Variants in MYBBP1A observed in about 807,000 individuals in gnomAD.
The protein encoded by MYBBP1A is MYB binding protein 1a, also known as myb-binding protein 1A.
Under a neutral mutation model 136.3 loss-of-function variants are expected in MYBBP1A, and 147 were observed. That is an observed-to-expected ratio of 1.08 (90% CI 0.94 to 1.24). MYBBP1A has a LOEUF of 1.24. Among genes scored for constraint, MYBBP1A ranks in the 50% most tolerant of loss-of-function variants. The probability of loss-of-function intolerance (pLI) is 0.00; values close to 1 mark genes in which losing one functional copy is unlikely to be tolerated. For synonymous variants in MYBBP1A, 947 were observed against 735.8 expected, an observed-to-expected ratio of 1.29 and a Z score of -4.65; for missense variants, 2,060 against 1,727.4, an observed-to-expected ratio of 1.19 and a Z score of -3.41.
At position 4,555,169 on chromosome 17, in the gene MYBBP1A, C is replaced by G. The variant is rs756786253; in HGVS notation, c.156G>C (p.Ala52=). 6.2e-7 allele frequency: 1 copy of G among 1,603,260 alleles called. No individual in the cohort carries two copies. The change falls in exon 1 of 26, where the codon GCG becomes GCC. Residue 52 remains alanine, a synonymous_variant. Coordinates refer to ENST00000254718, the MANE Select transcript of MYBBP1A (RefSeq NM_014520.4). ...IAKPEQETRL[A]ATEKLLEYLR... ...GATACTCCAGCAGCTTCTCCGTGGC[C>G]GCAAGTCGCGTCTCCTGCTCAGGCT...
chr17:4,552,852 T>A lies in MYBBP1A; in HGVS notation c.562-226A>T, dbSNP rs1179923898. On this transcript the variant is annotated intron_variant, in intron 5 of 25. Coordinates refer to ENST00000254718, the MANE Select transcript of MYBBP1A (RefSeq NM_014520.4). The surrounding 1 kb of genome is among the most constrained non-coding windows in gnomAD (Gnocchi z 4.7). ...CCCCCCACCCCTTATTTTTTTTTTT[T>A]AAGACAGAGTCTCACTTTGCCACCC... Among the ~76,000 whole-genome samples, 1 of 137,298 alleles carries A rather than the reference T, an allele frequency of 7.3e-6. No homozygotes were observed. Among genetic ancestry groups the A allele is most frequent in the Non-Finnish European group, 1.6e-5 (1 of 62,776 alleles). 90.1% of individuals were successfully genotyped at this position (137,298 alleles called of 152,430 possible). A position where few individuals can be genotyped will look rare whatever the true frequency, so the allele number is the denominator to read the frequency against.
intron 19 of MYBBP1A, among the ~76,000 whole-genome samples, chr17:4,543,887 T>TCCCCCTCAGACCC: frequency 7.9e-6 from 1 of 127,296 alleles, no homozygotes; most frequent in South Asian, 2.6e-4. Flanking sequence ...ACTCAGACCC[T>TCCCCCTCAGACCC]TCCCCACGCC....
At chr17:4,544,983 C>G in intron 17 of MYBBP1A, 43 bp downstream of exon 17, 2 of 1,520,818 alleles carry the variant, frequency 1.3e-6, no homozygotes, top group Non-Finnish European at 1.8e-6. Context: ...TGGGGACACC[C>G]GAGCCCTCCC....
rs144551824 is a variant in MYBBP1A, at chr17:4,545,666, C to T, written c.2017G>A (p.Val673Met). Reference sequence around the variant, plus strand: ...AGGTGGGAGCAGATGTGGCCAAACACGCTCCGGGCCACCTGGCGCATGAGG... The same window carrying T: ...AGGTGGGAGCAGATGTGGCCAAACATGCTCCGGGCCACCTGGCGCATGAGG... ...SHLMRQVARS[V>M]FGHICSHLTP... Residue 673 changes from valine to methionine, a missense_variant, in exon 15 of 26, where the codon GTG becomes ATG. Val to Met is a conservative substitution (Grantham distance 21). Coordinates refer to ENST00000254718, the MANE Select transcript of MYBBP1A (RefSeq NM_014520.4). The T allele has an allele frequency of 5.3e-5, 86 of 1,611,308 alleles. No individual in the cohort carries two copies. The African/African-American group carries it at 8.0e-4, about 15-fold the overall frequency.
At position 4,552,986 on chromosome 17, in the gene MYBBP1A, T is replaced by A. The variant is rs1435295319; in HGVS notation, c.562-360A>T. ...AAAGGTGTGCGCCATCACACCCAGC[T>A]AATTTTTGTATTTTTAGTAGAGATG... On this transcript the variant is annotated intron_variant, in intron 5 of 25. Coordinates refer to ENST00000254718, the MANE Select transcript of MYBBP1A (RefSeq NM_014520.4). This position sits in a 1 kb window ranked among gnomAD's most constrained non-coding sequence, Gnocchi z 4.7. Among the ~76,000 whole-genome samples the A allele has an allele frequency of 6.6e-6, 1 of 152,094 alleles. No homozygotes were observed. Among genetic ancestry groups the A allele is most frequent in the Non-Finnish European group, 1.5e-5 (1 of 68,024 alleles).
At chr17:4,544,037 T>C (rs554269662) in intron 19 of MYBBP1A, among the ~76,000 whole-genome samples, 355 of 152,252 alleles carry the variant, frequency 2.3e-3, no homozygotes, top group Admixed American at 3.9e-3. Context: ...ATGCTCTTCC[T>C]CCCTTTCTGC....
intron 9 of MYBBP1A, 97 bp downstream of exon 9, chr17:4,549,961 A>G (rs1907356048): frequency 7.3e-7 from 1 of 1,364,542 alleles, no homozygotes; most frequent in African/African-American, 1.5e-5. Context: ...CATGGTTTAG[A>G]GCCAGGACGC....
In MYBBP1A at chr17:4,542,488, C is replaced by G; in HGVS notation, c.3063G>C (p.Thr1021=). The change falls in exon 22 of 26, where the codon ACG becomes ACC. Residue 1021 remains threonine (T), a synonymous_variant. Coordinates refer to ENST00000254718, the MANE Select transcript of MYBBP1A (RefSeq NM_014520.4). The part of the protein sequence containing the change: ...SLLPILVQHI[T]GPVRPRHQAC... ...CCTGATGACGGGGCCGCACCGGGCC[C>G]GTGATATGCTGGACCAGGATGGGGA... 1.2e-6 allele frequency: 2 copies of G among 1,611,394 alleles called. No individual in the cohort carries two copies. Among genetic ancestry groups the G allele is most frequent in the Middle Eastern group, 1.7e-4 (1 of 5,860 alleles).
chr17:4,552,099 CGA>C lies in MYBBP1A; in HGVS notation c.905+24_905+25del, dbSNP rs1220499188. Reference sequence around the variant, plus strand: ...CCACTTCACGGACAGGGAAGGGGGCCGAGAGAGGACACGCGTCGCCCGCACCT... The same window carrying C: ...CCACTTCACGGACAGGGAAGGGGGCCGAGAGGACACGCGTCGCCCGCACCT... On this transcript the variant is annotated intron_variant, in intron 7 of 25. Coordinates refer to ENST00000254718, the MANE Select transcript of MYBBP1A (RefSeq NM_014520.4). The surrounding 1 kb of genome is among the most constrained non-coding windows in gnomAD (Gnocchi z 4.7). 1.9e-6 allele frequency: 3 copies of C among 1,606,854 alleles called. No individual in the cohort carries two copies. The highest frequency in any genetic ancestry group is 2.6e-6 in the Non-Finnish European group (3 of 1,175,920).
At chr17:4,553,214 A>C (rs895899342) in intron 5 of MYBBP1A, among the ~76,000 whole-genome samples, 3 of 152,228 alleles carry the variant, frequency 2.0e-5, no homozygotes, top group African/African-American at 7.2e-5. Context: ...CTGGGATTCG[A>C]ATTCAGGTCC....
At position 4,553,031 on chromosome 17, in the gene MYBBP1A, A is replaced by T. The variant is rs531303290; in HGVS notation, c.562-405T>A. 5.9e-5 allele frequency among the ~76,000 whole-genome samples: 9 copies of T among 152,308 alleles called. No individual in the cohort carries two copies. In the South Asian group the frequency reaches 1.9e-3, roughly 32 times the overall value. On this transcript the variant is annotated intron_variant, in intron 5 of 25. Coordinates refer to ENST00000254718, the MANE Select transcript of MYBBP1A (RefSeq NM_014520.4). ...GAGATGGGGTTTCACCATGTTGGCCAGGCTGGTCTTGAACTCCTGACCTCA... is the reference window on the plus strand; with the variant it reads ...GAGATGGGGTTTCACCATGTTGGCCTGGCTGGTCTTGAACTCCTGACCTCA...
intron 8 of MYBBP1A, 143 bp downstream of exon 8, chr17:4,551,736 AG>A: frequency 5.8e-6 from 4 of 686,026 alleles, no homozygotes; most frequent in South Asian, 5.1e-5. Flanking sequence ...TCCGAGGGAA[AG>A]GGGTTCAGGC....
intron 19 of MYBBP1A, among the ~76,000 whole-genome samples, chr17:4,543,878 C>A (rs2144442021): frequency 6.7e-6 from 1 of 148,866 alleles, no homozygotes; most frequent in East Asian, 1.9e-4. Context: ...GCAAACCAGA[C>A]TCAGACCCTT....
rs371461187 is a variant in MYBBP1A, at chr17:4,545,102, TCCTCGCTCTCCTCCC to T, written c.2219_2233del (p.Gly740_Glu744del). 377 of 1,601,442 alleles carry T rather than the reference TCCTCGCTCTCCTCCC, an allele frequency of 2.4e-4. No homozygotes were observed. The highest frequency in any genetic ancestry group is 8.3e-4 in the Middle Eastern group (5 of 6,048). On this transcript the variant is annotated inframe_deletion, in exon 17 of 26. Transcript: ENST00000254718. ...ATCCACGTCCCCGTCGCGCTCCTCC[TCCTCGCTCTCCTCCC>T]CCTCGCTCTCCTCTTCACTCTCTGA... is the stretch of plus-strand genomic sequence containing the variant.
In MYBBP1A at chr17:4,540,356, C is replaced by T. The variant is rs781091799; in HGVS notation, c.3426G>A (p.Leu1142=). 5.0e-6 allele frequency: 8 copies of T among 1,606,828 alleles called. No homozygotes were observed. The African/African-American group carries it at 6.7e-5, about 13-fold the overall frequency. ...CCCCTCCCAGAACCTACTGGACTCCCAGGGTTTTCATGGCCTGCCAGTAGA... is the reference window on the plus strand; with the variant it reads ...CCCCTCCCAGAACCTACTGGACTCCTAGGGTTTTCATGGCCTGCCAGTAGA... ...HDLYWQAMKT[L]GVQRPKLEKK... is the part of the protein sequence containing the mutation. The change falls in exon 25 of 26, where the codon CTG becomes CTA. Residue 1142 remains leucine, a synonymous_variant. Coordinates refer to ENST00000254718, the MANE Select transcript of MYBBP1A (RefSeq NM_014520.4).
At position 4,542,728 on chromosome 17, in the gene MYBBP1A, A is replaced by G. The variant is rs1214894080; in HGVS notation, c.2906T>C (p.Leu969Ser). The change falls in exon 21 of 26, where the codon TTG (leucine) becomes TCG (serine). Residue 969 changes from leucine (L) to serine (S), a missense_variant. Coordinates refer to ENST00000254718, the MANE Select transcript of MYBBP1A (RefSeq NM_014520.4). ...CACCCGGGTCACCAGGTTCAAGTCC[A>G]AGCAGCTGGCAGCCTAGGCCAGGGG... ...MPTGPQAASC[L>S]DLNLVTRVYS... 5 of 1,613,328 alleles carry G rather than the reference A, an allele frequency of 3.1e-6. No homozygotes were observed.
chr17:4,539,705 G>A lies in MYBBP1A; in HGVS notation c.3697C>T (p.Pro1233Ser). ...CTCCGGGTGGGGGCGCCAGGGGCTG[G>A]ACTCTTGGTGGTTGGCGTCCCGTTT... ...QANGTPTTKS[P>S]APGAPTRSPS... The change falls in exon 26 of 26, where the codon CCA becomes TCA. Residue 1233 changes from proline (P) to serine (S), a missense_variant. By Grantham distance (74) the Pro-to-Ser change is moderately conservative. Transcript: ENST00000254718. The A allele has an allele frequency of 6.2e-7, 1 of 1,609,682 alleles. No homozygotes were observed. The highest frequency in any genetic ancestry group is 1.1e-5 in the South Asian group (1 of 90,984).
chr17:4,541,969 G>A, intron 22 of MYBBP1A, 78 bp from the exon 23 acceptor site: 1 of 1,094,178 alleles, frequency 9.1e-7, no homozygotes, highest in African/African-American at 1.5e-5. Flanking sequence ...GAGGGCTCGG[G>A]GGCCCGCTGG....
At chr17:4,542,333 C>A (rs2144429638) in intron 22 of MYBBP1A, 131 bp downstream of exon 22, 4 of 1,063,794 alleles carry the variant, frequency 3.8e-6, no homozygotes, top group East Asian at 4.8e-5. Context: ...CACAGCCAAG[C>A]CAGTGGGGCA....
Sources: allele counts gnomAD v4.1 joint callset (sites outside exome capture counted in the v4.1 genomes callset), GRCh38; gene constraint gnomAD v4.1.1; non-coding constraint Gnocchi (gnomAD v3.1); transcripts MANE v1.5; gene names NCBI Gene and HGNC (gene_info 2026-07-23, HGNC 2026-07-21).